The following COX10 variants were observed in gnomAD, a reference collection of about 807,000 sequenced individuals.
The protein encoded by COX10 is protoheme IX farnesyltransferase, mitochondrial.
A neutral mutation model predicts 37.3 loss-of-function variants in COX10; 27 were observed. The ratio of observed to expected loss-of-function variants is 0.72; its 90% confidence interval spans 0.53 to 1.00. The LOEUF is 1.00. Among genes scored for constraint, COX10 ranks in the 50% least tolerant of loss-of-function variants. COX10 has a pLI of 0.00. For missense variants in COX10, 475 were observed against 563.2 expected, an observed-to-expected ratio of 0.84 and a Z score of 1.59; for synonymous variants, 222 against 229.1, an observed-to-expected ratio of 0.97 and a Z score of 0.28.
intron 4 of COX10, among the ~76,000 whole-genome samples, chr17:14,104,419 G>C (rs1915848110): frequency 6.6e-6 from 1 of 152,006 alleles, no homozygotes; most frequent in Non-Finnish European, 1.5e-5. Context: ...AAAGAGCACT[G>C]GGCAATAAGG....
intron 4 of COX10, among the ~76,000 whole-genome samples, chr17:14,141,889 T>G (rs1488516145): frequency 6.6e-6 from 1 of 152,208 alleles, no homozygotes; most frequent in Non-Finnish European, 1.5e-5. Flanking sequence ...TTTTTAAATA[T>G]AGAATTGTAC....
chr17:14,073,186 T>G (rs1366963875), intron 1 of COX10, among the ~76,000 whole-genome samples: 4 of 152,148 alleles, frequency 2.6e-5, no homozygotes, highest in African/African-American at 9.7e-5. Flanking sequence ...AAGGAAGTAT[T>G]GAAGGCAGGA....
chr17:14,138,859 G>A (rs1438889638), intron 4 of COX10, among the ~76,000 whole-genome samples: 2 of 152,130 alleles, frequency 1.3e-5, no homozygotes, highest in Non-Finnish European at 2.9e-5. Context: ...AGTGTAGTGT[G>A]CTGTGTGGGG....
chr17:14,084,590 T>C (rs1481173565), intron 3 of COX10, among the ~76,000 whole-genome samples: 1 of 152,218 alleles, frequency 6.6e-6, no homozygotes, highest in Non-Finnish European at 1.5e-5. Flanking sequence ...ACTTTTAAAA[T>C]TTAAAAGTAA....
chr17:14,195,819 C>T (rs1906351849), intron 6 of COX10, among the ~76,000 whole-genome samples: 1 of 152,130 alleles, frequency 6.6e-6, no homozygotes, highest in Non-Finnish European at 1.5e-5. Flanking sequence ...GCTGCTGATG[C>T]CCCTGGTCCA....
At chr17:14,088,640 GA>G in intron 3 of COX10, among the ~76,000 whole-genome samples, 1 of 151,890 alleles carries the variant, frequency 6.6e-6, no homozygotes, top group Middle Eastern at 3.4e-3. Flanking sequence ...CTTTAAAGAA[GA>G]AAAAAAACTG....
chr17:14,164,034 G>T (rs1366002009), intron 5 of COX10, among the ~76,000 whole-genome samples: 1 of 152,116 alleles, frequency 6.6e-6, no homozygotes, highest in Non-Finnish European at 1.5e-5. Context: ...ATTTGGCTTT[G>T]TGTATTAGCA....
intron 5 of COX10, among the ~76,000 whole-genome samples, chr17:14,163,447 G>C (rs1905213396): frequency 6.6e-6 from 1 of 151,878 alleles, no homozygotes; most frequent in East Asian, 1.9e-4. Context: ...ATAGAGATTG[G>C]GTTTCACCGT....
At chr17:14,075,815 C>T (rs1449508977) in intron 2 of COX10, among the ~76,000 whole-genome samples, 1 of 151,514 alleles carries the variant, frequency 6.6e-6, no homozygotes. Flanking sequence ...ACGGTGAAAC[C>T]CTGTCTCTAC....
intron 5 of COX10, among the ~76,000 whole-genome samples, chr17:14,189,673 G>T (rs1286667608): frequency 1.3e-5 from 2 of 152,162 alleles, no homozygotes; most frequent in Non-Finnish European, 2.9e-5. Context: ...AAAAATTTTT[G>T]AAATCCATGC....
chr17:14,162,572 A>G (rs533579230), intron 5 of COX10, among the ~76,000 whole-genome samples: 1 of 152,086 alleles, frequency 6.6e-6, no homozygotes, highest in African/African-American at 2.4e-5. Context: ...TAGAAAAATC[A>G]GCACATGTTT....
At chr17:14,108,381 T>G (rs1915943143) in intron 4 of COX10, among the ~76,000 whole-genome samples, 1 of 152,184 alleles carries the variant, frequency 6.6e-6, no homozygotes, top group Non-Finnish European at 1.5e-5. Context: ...AATTCATAAC[T>G]TAGTCTTAGC....
At chr17:14,172,578 CTTTTT>C (rs57560461) in intron 5 of COX10, among the ~76,000 whole-genome samples, 2 of 105,634 alleles carry the variant, frequency 1.9e-5, no homozygotes, top group Non-Finnish European at 3.9e-5. Context: ...TTTTCTTTTT[CTTTTT>C]TTTTTTTTTT....
At chr17:14,200,132 G>C (rs987725918) in intron 6 of COX10, among the ~76,000 whole-genome samples, 2 of 152,190 alleles carry the variant, frequency 1.3e-5, no homozygotes, top group South Asian at 4.1e-4. Flanking sequence ...GGCAGTGAGA[G>C]AAAACAAGCC....
intron 4 of COX10, among the ~76,000 whole-genome samples, chr17:14,122,540 T>C (rs896220584): frequency 3.3e-5 from 5 of 152,160 alleles, no homozygotes; most frequent in African/African-American, 1.2e-4. Context: ...TTTTCTGTAC[T>C]TTTATTTGCT....
At chr17:14,102,095 T>C (rs1915795120) in intron 3 of COX10, 23 bp from the exon 4 acceptor site, 3 of 1,613,350 alleles carry the variant, frequency 1.9e-6, no homozygotes, top group South Asian at 1.1e-5. Flanking sequence ...TAACAGTGTG[T>C]CTGCTCTGTT....
At chr17:14,138,619 A>G (rs967049543) in intron 4 of COX10, among the ~76,000 whole-genome samples, 2 of 152,198 alleles carry the variant, frequency 1.3e-5, no homozygotes, top group African/African-American at 4.8e-5. Context: ...CCTGTACCCC[A>G]GTGCCTGGTG....
At chr17:14,135,587 C>T (rs561506456) in intron 4 of COX10, among the ~76,000 whole-genome samples, 1 of 151,878 alleles carries the variant, frequency 6.6e-6, no homozygotes, top group East Asian at 1.9e-4. Context: ...TTGAGAAACA[C>T]TTAATATTGA....
chr17:14,132,997 G>A (rs962429232), intron 4 of COX10, among the ~76,000 whole-genome samples: 1 of 151,574 alleles, frequency 6.6e-6, no homozygotes, highest in African/African-American at 2.4e-5. Flanking sequence ...TGGAAATTTT[G>A]TTGAGATTTT....
Sources: gnomAD v4.1 joint callset for allele counts (sites outside exome capture counted in the v4.1 genomes callset) on GRCh38, gnomAD v4.1.1 for gene constraint, MANE v1.5 for transcripts, NCBI Gene and HGNC (gene_info 2026-07-23, HGNC 2026-07-21) for gene names.